KREMEN1: variants seen among roughly 807,000 people sequenced by gnomAD.
The protein encoded by KREMEN1 is kremen protein 1.
KREMEN1 carries 30 observed loss-of-function variants against 46.5 expected under a neutral mutation model. The observed-to-expected ratio is 0.65, with a 90% CI of 0.48 to 0.88. The LOEUF is 0.88. KREMEN1 is among the 40% of genes least tolerant of loss of function. The pLI, the probability that KREMEN1 is intolerant of heterozygous loss-of-function variation, is 0.00. For synonymous variants in KREMEN1, 214 were observed against 230.6 expected, an observed-to-expected ratio of 0.93 and a Z score of 0.65; for missense variants, 533 against 596.9, an observed-to-expected ratio of 0.89 and a Z score of 1.11.
At chr22:29,086,516 G>A (rs2037730945) in intron 1 of KREMEN1, among the ~76,000 whole-genome samples, 1 of 152,200 alleles carries the variant, frequency 6.6e-6, no homozygotes, top group Non-Finnish European at 1.5e-5. Context: ...CCTCAGTGGT[G>A]TTGGGTTGGA....
At position 29,094,462 on chromosome 22, in the gene KREMEN1, A is replaced by G. The variant is rs779959643; in HGVS notation, c.260+42A>G. On this transcript the variant is annotated intron_variant, in intron 2 of 8. Coordinates refer to ENST00000400335, the MANE Select transcript of KREMEN1 (RefSeq NM_001039570.3). ...CAGTACTTTAAAAAGATAGATATAT[A>G]TCTAGTCTCTTCTTCCAACCCCTTT... 4.8e-5 allele frequency: 75 copies of G among 1,548,422 alleles called. No homozygotes were observed. In the Middle Eastern group the frequency reaches 5.9e-4, roughly 12 times the overall value.
intron 1 of KREMEN1, among the ~76,000 whole-genome samples, chr22:29,079,595 C>T (rs134609): frequency 0.64 from 97,737 of 152,212 alleles, 31,594 homozygotes; most frequent in Middle Eastern, 0.78. Flanking sequence ...GGCTGGATTT[C>T]TTTCAGTTTG....
rs2038137619 is a variant in KREMEN1, at chr22:29,110,977, T to A, written c.353-10380T>A. 1.3e-5 allele frequency among the ~76,000 whole-genome samples: 2 copies of A among 152,158 alleles called. 1 individual carries two copies. The highest frequency in any genetic ancestry group is 4.1e-4 in the South Asian group (2 of 4,834). The stretch of plus-strand genomic sequence containing the variant: ...CTTTCCATGGAGGGGAGAAATCAGC[T>A]ACTGAGGCACCAGTGTGGGGTCCTT... On this transcript the variant is annotated intron_variant, in intron 3 of 8. Coordinates refer to ENST00000400335, the MANE Select transcript of KREMEN1 (RefSeq NM_001039570.3).
In KREMEN1 at chr22:29,131,523, CATAT is replaced by C. The variant is rs148738725; in HGVS notation, c.632-5784_632-5781del. Among the ~76,000 whole-genome samples the C allele has an allele frequency of 4.3e-3, 401 of 93,688 alleles. 10 individuals carry two copies. Among genetic ancestry groups the C allele is most frequent in the African/African-American group, 0.018 (255 of 14,346 alleles). The allele number at this position is 93,688 out of a possible 152,430, so 61.5% of individuals were successfully genotyped here. A position where few individuals can be genotyped will look rare whatever the true frequency, so the allele number is the denominator to read the frequency against. ...AGCAACAACTGATCTGTATTCTGTT[CATAT>C]ATATATATATATATATATATATATA... On this transcript the variant is annotated intron_variant, in intron 5 of 8. Transcript: ENST00000400335.
chr22:29,144,959 C>T lies in KREMEN1; in HGVS notation c.*2847C>T, dbSNP rs1448447566. 2.0e-6 allele frequency: 2 copies of T among 985,430 alleles called. No homozygotes were observed. Among genetic ancestry groups the T allele is most frequent in the African/African-American group, 3.5e-5 (2 of 57,256 alleles). The allele number at this position is 985,430 out of a possible 1,614,324, so 61.0% of individuals were successfully genotyped here. ...TGGCATGGCCCAGCGCCTCTAGGAT[C>T]AACTTACGATCCGTGGAGCAGCCCC... On this transcript the variant is annotated 3_prime_UTR_variant, in exon 9 of 9. Transcript: ENST00000400335.
At chr22:29,092,740 C>T (rs1445420505) in intron 1 of KREMEN1, among the ~76,000 whole-genome samples, 1 of 152,156 alleles carries the variant, frequency 6.6e-6, no homozygotes, top group Admixed American at 6.5e-5. Context: ...CTCTGGGAGG[C>T]CCAGGTGGGT....
intron 5 of KREMEN1, among the ~76,000 whole-genome samples, chr22:29,127,760 T>C (rs1422761949): frequency 1.3e-5 from 2 of 152,082 alleles, no homozygotes; most frequent in South Asian, 4.1e-4. Context: ...ACTGAAAACA[T>C]GTTTCCACAA....
At position 29,165,906 on chromosome 22, in the gene KREMEN1, C is replaced by T. The variant is rs372802248; in HGVS notation, c.1417-1138C>T. 1.6e-4 allele frequency among the ~76,000 whole-genome samples: 24 copies of T among 152,292 alleles called. No individual in the cohort carries two copies. In the East Asian group the frequency reaches 2.5e-3, roughly 16 times the overall value. On this transcript the variant is annotated intron_variant, in intron 9 of 9. Transcript: ENST00000327813. ...GCCCTGGGAGGGCGCCCGTTAGCAG[C>T]GGGGAGAGGAAAGAGCTGCCTCTCT...
chr22:29,165,236 C>T (rs188754569), intron 9 of KREMEN1, among the ~76,000 whole-genome samples: 68 of 151,704 alleles, frequency 4.5e-4, no homozygotes, highest in African/African-American at 1.4e-3. Context: ...AGAGCAAGAC[C>T]CTATCTCTAC....
At chr22:29,155,988 C>G (rs1601822768) in intron 9 of KREMEN1, among the ~76,000 whole-genome samples, 1 of 151,402 alleles carries the variant, frequency 6.6e-6, no homozygotes, top group African/African-American at 2.4e-5. Context: ...GGAAAGCACA[C>G]AAAACAAAAA....
At chr22:29,110,965 G>C (rs2038137361) in intron 3 of KREMEN1, among the ~76,000 whole-genome samples, 1 of 152,162 alleles carries the variant, frequency 6.6e-6, no homozygotes, top group African/African-American at 2.4e-5. Context: ...TCCATGGAGG[G>C]GAGAAATCAG....
chr22:29,133,255 A>AAAAAAAAG, intron 5 of KREMEN1, among the ~76,000 whole-genome samples: 1 of 150,980 alleles, frequency 6.6e-6, no homozygotes, highest in Non-Finnish European at 1.5e-5. Flanking sequence ...CTCAAAAAAA[A>AAAAAAAAG]AAAAAAGAAA....
chr22:29,133,068 GA>G (rs2038589366), intron 5 of KREMEN1, among the ~76,000 whole-genome samples: 2 of 152,042 alleles, frequency 1.3e-5, no homozygotes. Flanking sequence ...CGAACACGGT[GA>G]AACCCCGTCT....
chr22:29,087,571 T>G (rs1195174716), intron 1 of KREMEN1, among the ~76,000 whole-genome samples: 1 of 38,912 alleles, frequency 2.6e-5, no homozygotes, highest in Non-Finnish European at 7.0e-5. Context: ...ACATGTCAAG[T>G]TTTTTTTTTT....
In KREMEN1 at chr22:29,145,726, C is replaced by T. The variant is rs1162626417; in HGVS notation, c.*3614C>T. The T allele has an allele frequency of 1.0e-6, 1 of 983,912 alleles. No individual in the cohort carries two copies. Among genetic ancestry groups the T allele is most frequent in the African/African-American group, 1.7e-5 (1 of 57,258 alleles). 60.9% of individuals were successfully genotyped at this position (983,912 alleles called of 1,614,324 possible). ...ACCCGCCCTGTCCCCCACGTCAGGA[C>T]AGGCTTGAGGCCTCTCTGGGCGTGA... On this transcript the variant is annotated 3_prime_UTR_variant, in exon 9 of 9. Transcript: ENST00000400335.
At chr22:29,096,090 G>GA (rs1479529524) in intron 2 of KREMEN1, among the ~76,000 whole-genome samples, 1 of 152,008 alleles carries the variant, frequency 6.6e-6, no homozygotes, top group Non-Finnish European at 1.5e-5. Flanking sequence ...TATTTTCCAA[G>GA]TTATACATGT....
chr22:29,108,744 G>A (rs1407445427), intron 3 of KREMEN1, among the ~76,000 whole-genome samples: 2 of 152,202 alleles, frequency 1.3e-5, no homozygotes, highest in Non-Finnish European at 2.9e-5. Context: ...GCTGCTCCCT[G>A]TGGCCTGTTG....
At chr22:29,137,813 G>C (rs1400734347) in intron 6 of KREMEN1, 139 bp downstream of exon 6, 2 of 588,914 alleles carry the variant, frequency 3.4e-6, no homozygotes, top group Non-Finnish European at 5.6e-6. Flanking sequence ...AGATCACCCC[G>C]AGGCTGTGGC....
chr22:29,143,066 C>A lies in KREMEN1; in HGVS notation c.*954C>A. The A allele has an allele frequency of 1.8e-6, 1 of 552,012 alleles. No homozygotes were observed. The highest frequency in any genetic ancestry group is 2.3e-6 in the Non-Finnish European group (1 of 433,910). 34.2% of individuals were successfully genotyped at this position (552,012 alleles called of 1,614,324 possible). ...TCAGAAGGCTGAGACAGAAGAACAG[C>A]TTGAACCCAGGAGGCTGAGATTGCA... On this transcript the variant is annotated 3_prime_UTR_variant, in exon 9 of 9. Transcript: ENST00000400335.
Sources: gnomAD v4.1 joint callset for allele counts (sites outside exome capture counted in the v4.1 genomes callset) on GRCh38, gnomAD v4.1.1 for gene constraint, MANE v1.5 for transcripts, NCBI Gene and HGNC (gene_info 2026-07-23, HGNC 2026-07-21) for gene names.